The following LRRTM4 variants were observed in gnomAD, a reference collection of about 807,000 sequenced individuals.
LRRTM4 encodes the protein leucine-rich repeat transmembrane neuronal protein 4.
Under a neutral mutation model 47.6 loss-of-function variants are expected in LRRTM4, and 25 were observed. The observed-to-expected ratio is 0.53, with a 90% confidence interval of 0.38 to 0.73. LRRTM4 has a LOEUF of 0.73. LRRTM4 is among the 30% of genes least tolerant of loss of function. The pLI is 0.00. For synonymous variants in LRRTM4, 311 were observed against 269.5 expected, an observed-to-expected ratio of 1.15 and a Z score of -1.51; for missense variants, 638 against 713.4, an observed-to-expected ratio of 0.89 and a Z score of 1.20.
chr2:76,831,116 A>T (rs1047809038), intron 3 of LRRTM4, among the ~76,000 whole-genome samples: 1 of 152,044 alleles, frequency 6.6e-6, no homozygotes, highest in Non-Finnish European at 1.5e-5. Flanking sequence ...GCCTTTCTTT[A>T]ATTTTATTTG....
At chr2:77,161,066 G>A (rs970111945) in intron 3 of LRRTM4, among the ~76,000 whole-genome samples, 3 of 152,078 alleles carry the variant, frequency 2.0e-5, no homozygotes, top group South Asian at 2.1e-4. Context: ...GACCAACAGG[G>A]CGCCAGGCAG....
intron 3 of LRRTM4, among the ~76,000 whole-genome samples, chr2:77,112,368 G>A (rs1293623807): frequency 6.6e-6 from 1 of 152,182 alleles, no homozygotes; most frequent in East Asian, 1.9e-4. Flanking sequence ...TATAAGTGGA[G>A]TATAAGGTGA....
At chr2:77,499,060 T>C (rs1192195864) in intron 3 of LRRTM4, among the ~76,000 whole-genome samples, 1 of 151,888 alleles carries the variant, frequency 6.6e-6, no homozygotes, top group Non-Finnish European at 1.5e-5. Context: ...CCAGGTTTTA[T>C]GCACTACATT....
intron 3 of LRRTM4, among the ~76,000 whole-genome samples, chr2:77,070,476 C>A (rs1680115108): frequency 6.7e-6 from 1 of 150,202 alleles, no homozygotes; most frequent in African/African-American, 2.5e-5. Flanking sequence ...AATCTTTCTA[C>A]CTTGCAGAAA....
chr2:77,170,857 CTTTA>C (rs776818171), intron 3 of LRRTM4, among the ~76,000 whole-genome samples: 140 of 148,948 alleles, frequency 9.4e-4, no homozygotes, highest in African/African-American at 3.2e-3. Context: ...TATATATATA[CTTTA>C]TTTAATTTGT....
chr2:77,377,213 A>G (rs1260787224), intron 3 of LRRTM4, among the ~76,000 whole-genome samples: 5 of 151,938 alleles, frequency 3.3e-5, no homozygotes, highest in Non-Finnish European at 5.9e-5. Context: ...TCATTTTTCC[A>G]AGAATCACTC....
At chr2:77,100,882 C>G (rs1321103305) in intron 3 of LRRTM4, among the ~76,000 whole-genome samples, 1 of 135,338 alleles carries the variant, frequency 7.4e-6, no homozygotes, top group African/African-American at 2.8e-5. Flanking sequence ...GAGTCTTACT[C>G]TGGAGTGCAG....
At chr2:77,064,437 G>T (rs565682835) in intron 3 of LRRTM4, among the ~76,000 whole-genome samples, 1 of 152,312 alleles carries the variant, frequency 6.6e-6, no homozygotes, top group South Asian at 2.1e-4. Context: ...TTTGAAAGTA[G>T]ATTTCAAAGT....
At chr2:77,210,840 T>G (rs1422794054) in intron 3 of LRRTM4, among the ~76,000 whole-genome samples, 2 of 152,304 alleles carry the variant, frequency 1.3e-5, no homozygotes, top group Admixed American at 1.3e-4. Flanking sequence ...AATCTGTAGC[T>G]GCAAGAGAGA....
intron 3 of LRRTM4, among the ~76,000 whole-genome samples, chr2:77,452,800 T>C (rs575171717): frequency 2.9e-4 from 44 of 152,266 alleles, no homozygotes; most frequent in African/African-American, 1.0e-3. Context: ...ACTAAAATGA[T>C]GGCTTTTTTA....
intron 3 of LRRTM4, among the ~76,000 whole-genome samples, chr2:76,751,092 T>C (rs1446359989): frequency 6.6e-6 from 1 of 152,188 alleles, no homozygotes; most frequent in African/African-American, 2.4e-5. Flanking sequence ...AGTTTGAAAA[T>C]TGGGAATCAT....
intron 2 of LRRTM4, among the ~76,000 whole-genome samples, chr2:77,521,104 T>C (rs1465325418): frequency 2.0e-5 from 3 of 151,956 alleles, no homozygotes; most frequent in African/African-American, 4.8e-5. Flanking sequence ...TACAGACTCA[T>C]TGAAATACAT....
intron 3 of LRRTM4, among the ~76,000 whole-genome samples, chr2:77,474,703 T>C (rs1037000531): frequency 1.4e-4 from 22 of 152,096 alleles, no homozygotes; most frequent in Non-Finnish European, 4.4e-5. Context: ...ATGCTTTAAA[T>C]CCAATATGTT....
intron 3 of LRRTM4, among the ~76,000 whole-genome samples, chr2:76,957,459 A>T (rs1675711743): frequency 6.6e-6 from 1 of 151,764 alleles, no homozygotes; most frequent in Non-Finnish European, 1.5e-5. Flanking sequence ...TTCAAGGTAA[A>T]AGAACCCTGC....
chr2:77,464,211 G>A (rs6717891), intron 3 of LRRTM4, among the ~76,000 whole-genome samples: 42,739 of 151,890 alleles, frequency 0.28, 6,258 homozygotes, highest in African/African-American at 0.34. Flanking sequence ...GGTAAGAGCA[G>A]TGAAGAATCA....
chr2:77,300,247 G>A (rs906234428), intron 3 of LRRTM4, among the ~76,000 whole-genome samples: 2 of 152,134 alleles, frequency 1.3e-5, no homozygotes, highest in African/African-American at 4.8e-5. Context: ...TATCTAATTT[G>A]CAGAAGTGAT....
intron 3 of LRRTM4, among the ~76,000 whole-genome samples, chr2:77,286,046 A>C (rs1206392672): frequency 6.6e-6 from 1 of 152,102 alleles, no homozygotes; most frequent in Admixed American, 6.6e-5. Context: ...AACTGCACTG[A>C]ATATGGCCAC....
At chr2:77,238,416 A>G (rs985331273) in intron 3 of LRRTM4, among the ~76,000 whole-genome samples, 1 of 152,066 alleles carries the variant, frequency 6.6e-6, no homozygotes, top group East Asian at 1.9e-4. Context: ...CAGAGAGGGG[A>G]CACCTCAAAG....
chr2:77,105,372 G>A (rs1332503053), intron 3 of LRRTM4, among the ~76,000 whole-genome samples: 1 of 152,016 alleles, frequency 6.6e-6, no homozygotes, highest in Non-Finnish European at 1.5e-5. Flanking sequence ...GGATGAAGCT[G>A]GAAACCATCA....
Sources: allele counts gnomAD v4.1 joint callset (sites outside exome capture counted in the v4.1 genomes callset), GRCh38; gene constraint gnomAD v4.1.1; transcripts MANE v1.5; gene names NCBI Gene and HGNC (gene_info 2026-07-23, HGNC 2026-07-21).